FZD6: variants seen among roughly 807,000 people sequenced by gnomAD.
The protein encoded by FZD6 is frizzled class receptor 6.
FZD6 carries 49 observed loss-of-function variants against 61.4 expected under a neutral mutation model. That is an observed-to-expected ratio of 0.80 (90% confidence interval 0.63 to 1.01). The LOEUF (loss-of-function observed/expected upper bound fraction) is 1.01, where lower values mean the gene tolerates loss of function less well. Ranked by LOEUF, FZD6 falls within the 50% of genes least tolerant of loss-of-function variation. FZD6 has a pLI of 0.00. For synonymous variants in FZD6, 265 were observed against 292.2 expected (o/e 0.91, Z 0.95); for missense variants, 724 against 848.2 (o/e 0.85, Z 1.82).
intron 2 of FZD6, among the ~76,000 whole-genome samples, chr8:103,318,100 A>G (rs1814682826): frequency 6.6e-6 from 1 of 152,116 alleles, no homozygotes; most frequent in Admixed American, 6.6e-5. Context: ...TTCCCTTGAG[A>G]GTCAGTAGAG....
chr8:103,322,372 T>TAAAA (rs11423905), intron 3 of FZD6, among the ~76,000 whole-genome samples: 1 of 124,614 alleles, frequency 8.0e-6, no homozygotes, highest in Non-Finnish European at 1.7e-5. Context: ...CAGTCTCCAT[T>TAAAA]AAAAAAAAAA....
At chr8:103,306,782 GGCGTGAGCCACCGC>G (rs949895632) in intron 2 of FZD6, among the ~76,000 whole-genome samples, 3 of 152,000 alleles carry the variant, frequency 2.0e-5, no homozygotes, top group African/African-American at 7.3e-5. Flanking sequence ...TGGGATTACA[GGCGTGAGCCACCGC>G]GCCTGGCCCC....
rs1814124807 is a variant in FZD6 at position 103,300,349 on chromosome 8, AAAT to A, written c.177+68_177+70del. ...GCTCTGTTCTAGAATAAACTAGTAA[AAAT>A]AAGTCTATTTTTAAACAGAGCCGAT... On this transcript the variant is annotated intron_variant, in intron 2 of 6. Coordinates refer to ENST00000358755, the MANE Select transcript of FZD6 (RefSeq NM_003506.4). 8 of 1,139,760 alleles carry A rather than the reference AAAT, an allele frequency of 7.0e-6. No individual in the cohort carries two copies. The Admixed American group carries it at 1.0e-4, about 14-fold the overall frequency. The allele number at this position is 1,139,760 out of a possible 1,614,324, so 70.6% of individuals were successfully genotyped here. A position where few individuals can be genotyped will look rare whatever the true frequency, so the allele number is the denominator to read the frequency against.
At chr8:103,319,951 A>G (rs1586518660) in intron 3 of FZD6, among the ~76,000 whole-genome samples, 1 of 152,306 alleles carries the variant, frequency 6.6e-6, no homozygotes, top group East Asian at 1.9e-4. Flanking sequence ...AACTACTAGG[A>G]AAAAGGAAGA....
chr8:103,299,375 C>T (rs1253117582), intron 1 of FZD6, among the ~76,000 whole-genome samples: 1 of 152,202 alleles, frequency 6.6e-6, no homozygotes, highest in Non-Finnish European at 1.5e-5. Context: ...GACAGATTTG[C>T]GCACTTTCCT....
intron 3 of FZD6, among the ~76,000 whole-genome samples, chr8:103,320,174 C>T (rs1814743308): frequency 6.6e-6 from 1 of 152,102 alleles, no homozygotes; most frequent in African/African-American, 2.4e-5. Flanking sequence ...TCCATTGTGA[C>T]ATAGTAAGAG....
At chr8:103,319,049 A>T (rs1814710341) in intron 3 of FZD6, among the ~76,000 whole-genome samples, 1 of 152,234 alleles carries the variant, frequency 6.6e-6, no homozygotes, top group Non-Finnish European at 1.5e-5. Context: ...CAAAATTATG[A>T]CTGTGATAGA....
At chr8:103,301,738 C>T (rs1253910910) in intron 2 of FZD6, among the ~76,000 whole-genome samples, 1 of 150,116 alleles carries the variant, frequency 6.7e-6, no homozygotes, top group Non-Finnish European at 1.5e-5. Context: ...TAACAGTGAC[C>T]TTATAAATTC....
intron 2 of FZD6, among the ~76,000 whole-genome samples, chr8:103,303,109 G>GA (rs1298974342): frequency 3.3e-5 from 5 of 152,022 alleles, no homozygotes; most frequent in African/African-American, 4.8e-5. Context: ...TAAAGCTGGG[G>GA]AAAAAAAGAC....
At position 103,328,258 on chromosome 8, in the gene FZD6, T is replaced by C. The variant is rs1241855371; in HGVS notation, c.1393-10T>C. On this transcript the variant is annotated splice_polypyrimidine_tract_variant and intron_variant, in intron 4 of 6. Transcript: ENST00000358755. ...TCACTGAAAATATTATTATTCACTATTTTTTGTAGGCAAAAGCAAAAGCTC... is the reference window on the plus strand; with the variant it reads ...TCACTGAAAATATTATTATTCACTACTTTTTGTAGGCAAAAGCAAAAGCTC... The C allele has an allele frequency of 2.5e-6, 4 of 1,599,820 alleles. No individual in the cohort carries two copies. The highest frequency in any genetic ancestry group is 4.5e-5 in the East Asian group (2 of 44,754).
intron 2 of FZD6, among the ~76,000 whole-genome samples, chr8:103,302,037 G>GT (rs35899322): frequency 1.0e-3 from 151 of 147,808 alleles, no homozygotes; most frequent in South Asian, 1.5e-3. Context: ...TACTAATGAA[G>GT]TTTTTTTTTT....
At chr8:103,300,680 A>G (rs552492025) in intron 2 of FZD6, among the ~76,000 whole-genome samples, 24 of 152,334 alleles carry the variant, frequency 1.6e-4, no homozygotes, top group African/African-American at 4.6e-4. Context: ...ACAAGTTTTT[A>G]TAAGTAGTTG....
chr8:103,305,955 C>T (rs1814318779), intron 2 of FZD6, among the ~76,000 whole-genome samples: 2 of 152,168 alleles, frequency 1.3e-5, no homozygotes, highest in African/African-American at 4.8e-5. Flanking sequence ...AGCTTTATTA[C>T]TCTAGGTTAT....
intron 2 of FZD6, among the ~76,000 whole-genome samples, chr8:103,305,564 G>A (rs1238732526): frequency 2.0e-5 from 3 of 152,154 alleles, no homozygotes; most frequent in African/African-American, 7.2e-5. Flanking sequence ...TAAAGAAAAT[G>A]TTTAGTGAGA....
At chr8:103,318,118 A>C (rs1353455586) in intron 2 of FZD6, among the ~76,000 whole-genome samples, 1 of 152,162 alleles carries the variant, frequency 6.6e-6, no homozygotes, top group Non-Finnish European at 1.5e-5. Context: ...GAGATAGAGA[A>C]GAGGTCTTGG....
At chr8:103,300,386 G>C in intron 2 of FZD6, 102 bp downstream of exon 2, 5 of 894,690 alleles carry the variant, frequency 5.6e-6, no homozygotes, top group Non-Finnish European at 9.4e-6. Context: ...ATTTCTTCAA[G>C]TTGTGTACAA....
intron 3 of FZD6, among the ~76,000 whole-genome samples, chr8:103,319,996 A>C (rs1047676703): frequency 1.3e-5 from 2 of 152,222 alleles, no homozygotes; most frequent in Non-Finnish European, 2.9e-5. Context: ...GGTCATCAAT[A>C]GTAGTTTTCT....
chr8:103,328,173 G>T, intron 4 of FZD6, 95 bp from the exon 5 acceptor site: 2 of 927,564 alleles, frequency 2.2e-6, no homozygotes, highest in Admixed American at 1.9e-5. Context: ...AACAGTTGAA[G>T]ATTTATAACT....
chr8:103,299,166 C>A (rs1319937168), intron 1 of FZD6, among the ~76,000 whole-genome samples, 171 bp downstream of exon 1: 1 of 152,176 alleles, frequency 6.6e-6, no homozygotes, highest in African/African-American at 2.4e-5. Context: ...AAGCGGGAAC[C>A]GGCTCTGAAA....
Sources: allele counts gnomAD v4.1 joint callset (sites outside exome capture counted in the v4.1 genomes callset), GRCh38; gene constraint gnomAD v4.1.1; transcripts MANE v1.5; gene names NCBI Gene and HGNC (gene_info 2026-07-23, HGNC 2026-07-21).